KCNMA1: variants seen among roughly 807,000 people sequenced by gnomAD.
The protein encoded by KCNMA1 is potassium calcium-activated channel subfamily M alpha 1, also known as Calcium-activated potassium channel subunit alpha-1.
KCNMA1 carries 29 observed loss-of-function variants against 140.0 expected under a neutral mutation model. The observed-to-expected ratio is 0.21, with a 90% CI of 0.15 to 0.28. The LOEUF (loss-of-function observed/expected upper bound fraction) is 0.28. KCNMA1 is among the 10% of genes least tolerant of loss of function. The pLI is 1.00. For synonymous variants in KCNMA1, 612 were observed against 611.9 expected, an observed-to-expected ratio of 1.00 and a Z score of 0.00; for missense variants, 880 against 1,602.2, an observed-to-expected ratio of 0.55 and a Z score of 7.70.
At chr10:77,184,778 C>G (rs2098834890) in intron 4 of KCNMA1, 45 bp downstream of exon 4, 1 of 1,213,222 alleles carries the variant, frequency 8.2e-7, no homozygotes, top group Non-Finnish European at 1.2e-6. Flanking sequence ...GGGTCCCAGA[C>G]TGAAACACCC....
chr10:77,064,380 G>C (rs766393121), intron 14 of KCNMA1, among the ~76,000 whole-genome samples: 1 of 152,234 alleles, frequency 6.6e-6, no homozygotes, highest in African/African-American at 2.4e-5. Flanking sequence ...AGGGAGAAGG[G>C]AAGAAGATGG....
rs116015656 is a variant in KCNMA1, at chr10:77,600,851, G to A, written c.378+36414C>T. Among the ~76,000 whole-genome samples, 675 of 152,124 alleles carry A rather than the reference G, an allele frequency of 4.4e-3. 6 individuals are homozygous for A. Among genetic ancestry groups the A allele is most frequent in the African/African-American group, 0.015 (634 of 41,472 alleles). On this transcript the variant is annotated intron_variant, in intron 1 of 27. Transcript: ENST00000286628. Reference sequence around the variant, plus strand: ...GGTCACATAGTCAGTAGGTGACAGCGCCCAGGCATGCACCAAGGGCTTCTG... The same window carrying A: ...GGTCACATAGTCAGTAGGTGACAGCACCCAGGCATGCACCAAGGGCTTCTG...
chr10:77,589,108 G>C (rs1270500464), intron 1 of KCNMA1, among the ~76,000 whole-genome samples: 1 of 152,192 alleles, frequency 6.6e-6, no homozygotes, highest in Non-Finnish European at 1.5e-5. Context: ...AACATGCAGT[G>C]GGCCGGATTC....
intron 2 of KCNMA1, among the ~76,000 whole-genome samples, chr10:77,284,507 G>GTTA (rs144439307): frequency 1.2e-4 from 18 of 151,654 alleles, no homozygotes; most frequent in East Asian, 1.9e-4. Flanking sequence ...CTCTGTTGTT[G>GTTA]TTATTATTAT....
chr10:77,511,768 T>C (rs759409655), intron 1 of KCNMA1, among the ~76,000 whole-genome samples: 2 of 152,200 alleles, frequency 1.3e-5, no homozygotes, highest in Non-Finnish European at 2.9e-5. Context: ...GTCCCTGTCA[T>C]GGGCGAATGC....
At chr10:77,637,044 C>G in intron 1 of KCNMA1, 1 of 1,401,664 alleles carries the variant, frequency 7.1e-7, no homozygotes, top group East Asian at 2.7e-5. Context: ...GCGTCCGCGT[C>G]CCGGAGCGCA....
chr10:77,178,819 T>C (rs897137746), intron 5 of KCNMA1, among the ~76,000 whole-genome samples: 3 of 152,212 alleles, frequency 2.0e-5, no homozygotes, highest in African/African-American at 7.2e-5. Context: ...TGAGTTCTCC[T>C]TGGAGCATGT....
At chr10:77,309,286 C>A (rs1565888130) in intron 2 of KCNMA1, among the ~76,000 whole-genome samples, 1 of 152,226 alleles carries the variant, frequency 6.6e-6, no homozygotes, top group Non-Finnish European at 1.5e-5. Flanking sequence ...AGCCTCCCAG[C>A]CTGAAGTACG....
intron 1 of KCNMA1, among the ~76,000 whole-genome samples, chr10:77,499,754 T>C (rs892575670): frequency 6.6e-6 from 1 of 152,268 alleles, no homozygotes; most frequent in South Asian, 2.1e-4. Flanking sequence ...GAGATGTCCA[T>C]GGTAATAAAG....
At chr10:77,596,049 G>T (rs985243883) in intron 1 of KCNMA1, among the ~76,000 whole-genome samples, 1 of 152,200 alleles carries the variant, frequency 6.6e-6, no homozygotes, top group African/African-American at 2.4e-5. Context: ...TAGAAAAAAA[G>T]TGGGGGACAA....
intron 10 of KCNMA1, among the ~76,000 whole-genome samples, chr10:77,089,037 G>A (rs138161863): frequency 2.6e-5 from 4 of 152,292 alleles, no homozygotes; most frequent in Admixed American, 6.5e-5. Flanking sequence ...TTTCCAAAAC[G>A]CTCAGTAGAG....
At position 77,599,411 on chromosome 10, in the gene KCNMA1, C is replaced by G. The variant is rs182529218; in HGVS notation, c.378+37854G>C. On this transcript the variant is annotated intron_variant, in intron 1 of 27. Transcript: ENST00000286628. ...ATGGCTGCACCAGAAAATAATGATG[C>G]CTTCATCTCTTCCTTTCCAAGACTT... 2.6e-5 allele frequency among the ~76,000 whole-genome samples: 4 copies of G among 152,190 alleles called. No individual in the cohort carries two copies. In the East Asian group the frequency reaches 7.7e-4, roughly 29 times the overall value.
At chr10:77,401,167 G>C (rs1393323485) in intron 2 of KCNMA1, among the ~76,000 whole-genome samples, 1 of 120,940 alleles carries the variant, frequency 8.3e-6, no homozygotes, top group South Asian at 2.7e-4. Context: ...TTTTTTTTTT[G>C]AGACGGAGTC....
Position 76,997,574 on chromosome 10 carries a change from T to C in KCNMA1, c.2266+3833A>G, listed in dbSNP as rs2084802500. 3.9e-5 allele frequency among the ~76,000 whole-genome samples: 6 copies of C among 152,338 alleles called. No homozygotes were observed. The South Asian group carries it at 8.3e-4, about 21-fold the overall frequency. ...TGCATCATAATTTTAATTGTCCCTTTCTATTACATTTAGCAATCAGATAGC... is the reference window on the plus strand; with the variant it reads ...TGCATCATAATTTTAATTGTCCCTTCCTATTACATTTAGCAATCAGATAGC... On this transcript the variant is annotated intron_variant, in intron 19 of 27. Transcript: ENST00000286628.
intron 5 of KCNMA1, among the ~76,000 whole-genome samples, chr10:77,178,491 G>A (rs1265402504): frequency 6.6e-6 from 1 of 152,152 alleles, no homozygotes; most frequent in Non-Finnish European, 1.5e-5. Context: ...TAGATCACCT[G>A]AGGTCAGGAG....
intron 25 of KCNMA1, among the ~76,000 whole-genome samples, chr10:76,895,730 G>A (rs903606754): frequency 6.6e-6 from 1 of 152,128 alleles, no homozygotes; most frequent in Non-Finnish European, 1.5e-5. Flanking sequence ...TTCCTTAAGT[G>A]TCGGCCAGTC....
At chr10:77,637,242 C>T (rs1603639317) in intron 1 of KCNMA1, 23 bp downstream of exon 1, 2 of 1,580,682 alleles carry the variant, frequency 1.3e-6, no homozygotes, top group Non-Finnish European at 8.6e-7. Flanking sequence ...GCGCAGAGGG[C>T]GGGCGCCCGG....
At chr10:77,033,071 A>G (rs11001980) in intron 15 of KCNMA1, among the ~76,000 whole-genome samples, 3,421 of 152,242 alleles carry the variant, frequency 0.022, 56 homozygotes, top group Admixed American at 0.032. Flanking sequence ...CCAAAGCACC[A>G]GCCCCTCTTC....
At chr10:77,358,619 C>T (rs931541188) in intron 2 of KCNMA1, among the ~76,000 whole-genome samples, 3 of 152,176 alleles carry the variant, frequency 2.0e-5, no homozygotes, top group African/African-American at 7.2e-5. Flanking sequence ...CCTCCAGGAG[C>T]CTGCCAAGTT....
Sources: allele counts gnomAD v4.1 joint callset (sites outside exome capture counted in the v4.1 genomes callset), GRCh38; gene constraint gnomAD v4.1.1; transcripts MANE v1.5; gene names NCBI Gene and HGNC (gene_info 2026-07-23, HGNC 2026-07-21).